The following VDAC1 variants were observed in gnomAD, a reference collection of about 807,000 sequenced individuals.
The protein encoded by VDAC1 is non-selective voltage-gated ion channel VDAC1.
In VDAC1, 10 loss-of-function variants were observed where a neutral mutation model predicts 34.7. The ratio of observed to expected loss-of-function variants is 0.29; its 90% CI spans 0.18 to 0.49. VDAC1 has a LOEUF of 0.49. Ranked by LOEUF, VDAC1 falls within the 20% of genes least tolerant of loss-of-function variation. The pLI is 0.99. For synonymous variants in VDAC1, 130 were observed against 136.0 expected (o/e 0.96, Z 0.30); for missense variants, 230 against 347.9 (o/e 0.66, Z 2.69).
chr5:134,023,588 A>T, the VDAC1 span, among the ~76,000 whole-genome samples: 1 of 152,120 alleles, frequency 6.6e-6, no homozygotes, highest in Non-Finnish European at 1.5e-5. Flanking sequence ...CGTTCTTCGG[A>T]ACATTCATTC....
upstream of VDAC1, among the ~76,000 whole-genome samples, chr5:134,007,168 C>T (rs547435018): frequency 6.6e-6 from 1 of 151,512 alleles, no homozygotes; most frequent in African/African-American, 2.4e-5. Context: ...TGCTTGAACC[C>T]AGGAGGCGGA....
intron 1 of VDAC1, among the ~76,000 whole-genome samples, chr5:133,995,019 G>A (rs1261621368): frequency 1.3e-5 from 2 of 152,128 alleles, no homozygotes; most frequent in Non-Finnish European, 2.9e-5. Flanking sequence ...GATAAAGGCA[G>A]AGCACTCATC....
chr5:133,991,015 G>A lies in VDAC1; in HGVS notation c.257C>T (p.Thr86Ile), dbSNP rs1753082039. ...NTDNTLGTEITVEDQLARGLK... is the reference protein window; with the variant it reads ...NTDNTLGTEIIVEDQLARGLK... ...AGCAGCCATTACCTGATCTTCCACA[G>A]TAATCTCGGTGCCTAGTGTATTGTC... The change falls in exon 4 of 9, where the codon ACT becomes ATT. Residue 86 changes from threonine to isoleucine, a missense_variant. Physicochemically the swap from Thr to Ile is moderately conservative, Grantham distance 89. Coordinates refer to ENST00000265333, the MANE Select transcript of VDAC1 (RefSeq NM_003374.3). The A allele has an allele frequency of 6.2e-7, 1 of 1,614,052 alleles. No homozygotes were observed. The highest frequency in any genetic ancestry group is 1.3e-5 in the African/African-American group (1 of 74,920).
the VDAC1 span, among the ~76,000 whole-genome samples, chr5:134,031,831 A>G: frequency 6.6e-6 from 1 of 151,960 alleles, no homozygotes; most frequent in African/African-American, 2.4e-5. Context: ...GGTGCCTGTA[A>G]TCCCAGCTAC....
the VDAC1 span, among the ~76,000 whole-genome samples, chr5:134,070,074 C>A: frequency 6.6e-6 from 1 of 151,944 alleles, no homozygotes; most frequent in African/African-American, 2.4e-5. Context: ...AAAAAAAAAA[C>A]AGCCATACAA....
the VDAC1 span, among the ~76,000 whole-genome samples, chr5:134,049,080 G>A: frequency 6.6e-6 from 1 of 152,152 alleles, no homozygotes; most frequent in African/African-American, 2.4e-5. Context: ...TTTTACAGAT[G>A]TGTAAACTTA....
the VDAC1 span, among the ~76,000 whole-genome samples, chr5:134,110,692 G>A: frequency 6.6e-6 from 1 of 152,232 alleles, no homozygotes; most frequent in African/African-American, 2.4e-5. Context: ...AGGCGGGCTG[G>A]TGAGCAGGAA....
At chr5:134,101,490 G>A in the VDAC1 span, among the ~76,000 whole-genome samples, 1 of 151,042 alleles carries the variant, frequency 6.6e-6, no homozygotes. Context: ...TACTCAGGAG[G>A]CTGACGTTGC....
upstream of VDAC1, among the ~76,000 whole-genome samples, chr5:134,009,093 A>T: frequency 6.6e-6 from 1 of 152,114 alleles, no homozygotes; most frequent in Non-Finnish European, 1.5e-5. Context: ...ATCCCAAAAC[A>T]TGAGGTGTCC....
intron 5 of VDAC1, among the ~76,000 whole-genome samples, chr5:133,985,060 G>C (rs1191888006): frequency 6.6e-6 from 1 of 152,206 alleles, no homozygotes; most frequent in Non-Finnish European, 1.5e-5. Flanking sequence ...CTAAAAGCTT[G>C]CTATATAAAG....
At chr5:134,041,117 T>A in the VDAC1 span, among the ~76,000 whole-genome samples, 9 of 152,194 alleles carry the variant, frequency 5.9e-5, no homozygotes, top group African/African-American at 2.2e-4. Context: ...CTGCTACTGA[T>A]CCTACTCAAG....
At chr5:134,018,183 G>A in the VDAC1 span, among the ~76,000 whole-genome samples, 12 of 152,196 alleles carry the variant, frequency 7.9e-5, no homozygotes, top group African/African-American at 1.4e-4. Flanking sequence ...GTCTCCTAAC[G>A]AGGAAGCTTC....
the VDAC1 span, among the ~76,000 whole-genome samples, chr5:134,019,724 C>G: frequency 1.3e-5 from 2 of 152,204 alleles, no homozygotes; most frequent in South Asian, 2.1e-4. Context: ...GCCCCAACCC[C>G]CATCACATAC....
chr5:134,045,159 G>C, the VDAC1 span, among the ~76,000 whole-genome samples: 2 of 152,220 alleles, frequency 1.3e-5, no homozygotes, highest in African/African-American at 4.8e-5. Flanking sequence ...CAGAGAACTA[G>C]ATTCCCAAAG....
intron 1 of VDAC1, among the ~76,000 whole-genome samples, chr5:133,998,822 G>C (rs1036216417): frequency 3.9e-5 from 6 of 152,198 alleles, no homozygotes; most frequent in African/African-American, 1.4e-4. Flanking sequence ...AATCACCGGA[G>C]GCGCTTGTTC....
the VDAC1 span, among the ~76,000 whole-genome samples, chr5:134,053,050 G>C: frequency 1.3e-5 from 2 of 152,176 alleles, no homozygotes; most frequent in African/African-American, 4.8e-5. Flanking sequence ...AGGAGGTGGA[G>C]GTTGCGGTGA....
intron 6 of VDAC1, chr5:133,976,316 G>A: frequency 3.9e-6 from 1 of 257,202 alleles, no homozygotes; most frequent in Non-Finnish European, 7.6e-6. Flanking sequence ...GACCAGCCTG[G>A]CCAACATGGT....
chr5:133,999,919 A>T (rs1161082448), intron 1 of VDAC1, among the ~76,000 whole-genome samples: 1 of 151,980 alleles, frequency 6.6e-6, no homozygotes, highest in Non-Finnish European at 1.5e-5. Flanking sequence ...CACCAACACC[A>T]TTCTAGGTGG....
the VDAC1 span, among the ~76,000 whole-genome samples, chr5:134,102,326 C>T: frequency 1.3e-5 from 2 of 149,826 alleles, no homozygotes; most frequent in Non-Finnish European, 3.0e-5. Context: ...CCCATCCCCC[C>T]ACCCTCTACC....
Sources: gnomAD v4.1 joint callset for allele counts (sites outside exome capture counted in the v4.1 genomes callset) on GRCh38, gnomAD v4.1.1 for gene constraint, MANE v1.5 for transcripts, NCBI Gene and HGNC (gene_info 2026-07-23, HGNC 2026-07-21) for gene names.